LINGO2: variants seen among roughly 807,000 people sequenced by gnomAD.
LINGO2 encodes leucine rich repeat and Ig domain containing 2.
Under a neutral mutation model 30.6 loss-of-function variants are expected in LINGO2, and 14 were observed. That is an observed-to-expected ratio of 0.46 (90% confidence interval 0.30 to 0.72). LINGO2 has a LOEUF of 0.72. Among genes scored for constraint, LINGO2 ranks in the 30% least tolerant of loss-of-function variants. The pLI is 0.07. For synonymous variants in LINGO2, 317 were observed against 288.5 expected (o/e 1.10, Z -1.00); for missense variants, 729 against 751.7 (o/e 0.97, Z 0.35).
chr9:28,557,914 C>T (rs1376143380), intron 1 of LINGO2, among the ~76,000 whole-genome samples: 4 of 147,804 alleles, frequency 2.7e-5, no homozygotes, highest in Admixed American at 7.0e-5. Flanking sequence ...CCAAACACCA[C>T]GTATTCTCAC....
chr9:28,554,291 A>C (rs1822507740), intron 1 of LINGO2, among the ~76,000 whole-genome samples: 4 of 150,798 alleles, frequency 2.7e-5, no homozygotes, highest in Admixed American at 2.6e-4. Flanking sequence ...TCAAAATAAA[A>C]GGATGGAGGA....
At chr9:28,861,305 AT>A in the LINGO2 span, among the ~76,000 whole-genome samples, 1 of 127,940 alleles carries the variant, frequency 7.8e-6, no homozygotes, top group African/African-American at 3.0e-5. Flanking sequence ...TATATTATAT[AT>A]TTTATATAAT....
At chr9:28,907,474 A>C in the LINGO2 span, among the ~76,000 whole-genome samples, 1 of 151,836 alleles carries the variant, frequency 6.6e-6, no homozygotes, top group Middle Eastern at 3.2e-3. Context: ...AATGAGAAGT[A>C]GAGGGAGAGA....
intron 5 of LINGO2, among the ~76,000 whole-genome samples, chr9:27,986,929 T>C (rs1434783820): frequency 2.0e-5 from 3 of 151,780 alleles, no homozygotes; most frequent in Non-Finnish European, 2.9e-5. Context: ...TGCACATCAG[T>C]TCCTCAACTC....
the LINGO2 span, among the ~76,000 whole-genome samples, chr9:28,787,495 C>T: frequency 6.6e-6 from 1 of 151,944 alleles, no homozygotes; most frequent in African/African-American, 2.4e-5. Flanking sequence ...CCTATTTCCT[C>T]AAAAAGGAAA....
intron 4 of LINGO2, among the ~76,000 whole-genome samples, chr9:28,164,931 T>C (rs1423468893): frequency 1.3e-5 from 2 of 152,178 alleles, no homozygotes; most frequent in African/African-American, 2.4e-5. Context: ...ATATCACTGC[T>C]CCATTAAAAT....
chr9:28,752,155 C>T, the LINGO2 span, among the ~76,000 whole-genome samples: 136 of 152,002 alleles, frequency 8.9e-4, no homozygotes, highest in African/African-American at 3.1e-3. Context: ...TATTGAGACT[C>T]GGGTTTGAAC....
At chr9:28,371,115 G>A (rs1447023375) in intron 3 of LINGO2, among the ~76,000 whole-genome samples, 1 of 152,114 alleles carries the variant, frequency 6.6e-6, no homozygotes, top group Non-Finnish European at 1.5e-5. Flanking sequence ...AATGTTTCCT[G>A]GAGATGGGTC....
chr9:28,797,351 T>G, the LINGO2 span, among the ~76,000 whole-genome samples: 1,410 of 61,976 alleles, frequency 0.023, 2 homozygotes, highest in Middle Eastern at 0.029. Flanking sequence ...TATATATATA[T>G]ATATATATAG....
chr9:28,161,222 G>T (rs1828275476), intron 4 of LINGO2, among the ~76,000 whole-genome samples: 1 of 152,038 alleles, frequency 6.6e-6, no homozygotes, highest in Non-Finnish European at 1.5e-5. Context: ...GATTTCTCAA[G>T]AAGATCCAGT....
intron 1 of LINGO2, among the ~76,000 whole-genome samples, chr9:28,504,643 A>C (rs2135331185): frequency 6.6e-6 from 1 of 151,700 alleles, no homozygotes; most frequent in African/African-American, 2.4e-5. Flanking sequence ...AATGGACAAA[A>C]TATAAATATT....
the LINGO2 span, among the ~76,000 whole-genome samples, chr9:28,952,122 C>G: frequency 6.6e-6 from 1 of 151,962 alleles, no homozygotes; most frequent in African/African-American, 2.4e-5. Context: ...GGCATGGAGA[C>G]CCACAACAGT....
chr9:28,351,733 T>C (rs1230142117), intron 3 of LINGO2, among the ~76,000 whole-genome samples: 1 of 152,020 alleles, frequency 6.6e-6, no homozygotes, highest in African/African-American at 2.4e-5. Context: ...TTGATGAACA[T>C]TGGTGCAAAA....
At chr9:28,733,503 C>A in the LINGO2 span, among the ~76,000 whole-genome samples, 1 of 152,124 alleles carries the variant, frequency 6.6e-6, no homozygotes, top group Non-Finnish European at 1.5e-5. Context: ...AGTCATCCTT[C>A]TGTAATTTTC....
the LINGO2 span, among the ~76,000 whole-genome samples, chr9:28,804,873 C>T: frequency 0.029 from 4,403 of 152,092 alleles, 215 homozygotes; most frequent in African/African-American, 0.096. Flanking sequence ...ATGAATGATA[C>T]ATTTAATATT....
intron 4 of LINGO2, among the ~76,000 whole-genome samples, chr9:28,091,168 C>T (rs1170398390): frequency 2.6e-5 from 4 of 152,080 alleles, no homozygotes; most frequent in South Asian, 2.1e-4. Flanking sequence ...CAATGCCATC[C>T]CCATCAAGCT....
intron 3 of LINGO2, among the ~76,000 whole-genome samples, chr9:28,363,802 A>G (rs1331591250): frequency 2.6e-5 from 4 of 152,078 alleles, no homozygotes; most frequent in Admixed American, 1.3e-4. Flanking sequence ...TGAGGTTGAC[A>G]ATTATTTTCT....
At chr9:28,863,752 C>T in the LINGO2 span, 1,866 of 423,146 alleles carry the variant, frequency 4.4e-3, 4 homozygotes, top group Non-Finnish European at 6.9e-3. Flanking sequence ...AAAACAGTAC[C>T]CTTTGGCCAC....
chr9:28,789,826 A>C, the LINGO2 span, among the ~76,000 whole-genome samples: 1 of 152,110 alleles, frequency 6.6e-6, no homozygotes, highest in African/African-American at 2.4e-5. Flanking sequence ...TAATTTCTTT[A>C]AGACTAACAT....
Sources: gnomAD v4.1 joint callset for allele counts (sites outside exome capture counted in the v4.1 genomes callset) on GRCh38, gnomAD v4.1.1 for gene constraint, MANE v1.5 for transcripts, NCBI Gene and HGNC (gene_info 2026-07-23, HGNC 2026-07-21) for gene names.